Variants in PRKG1 observed in about 807,000 individuals in gnomAD.
PRKG1 encodes cGMP-dependent protein kinase 1.
PRKG1 carries 35 observed loss-of-function variants against 88.1 expected under a neutral mutation model. That is an observed-to-expected ratio of 0.40 (90% CI 0.30 to 0.53). The LOEUF is 0.53. PRKG1 is among the 20% of genes least tolerant of loss of function. The pLI is 0.59. For synonymous variants in PRKG1, 303 were observed against 292.5 expected, an observed-to-expected ratio of 1.04 and a Z score of -0.37; for missense variants, 540 against 839.8, an observed-to-expected ratio of 0.64 and a Z score of 4.41.
At chr10:51,776,035 C>G (rs1161212846) in intron 3 of PRKG1, among the ~76,000 whole-genome samples, 1 of 152,094 alleles carries the variant, frequency 6.6e-6, no homozygotes, top group African/African-American at 2.4e-5. Context: ...GTTAGTCAAC[C>G]TTTCTCAGTC....
chr10:52,084,733 A>G (rs932048096), intron 7 of PRKG1, among the ~76,000 whole-genome samples: 1 of 152,098 alleles, frequency 6.6e-6, no homozygotes, highest in Non-Finnish European at 1.5e-5. Context: ...GAAATTTGAC[A>G]TAGATATAAT....
chr10:51,142,670 A>G (rs909586573), intron 1 of PRKG1, among the ~76,000 whole-genome samples: 2 of 152,162 alleles, frequency 1.3e-5, no homozygotes, highest in Admixed American at 1.3e-4. Context: ...CTTGGCAGGC[A>G]TCTAACCTCT....
chr10:52,144,934 A>G (rs1359513615), intron 8 of PRKG1, among the ~76,000 whole-genome samples: 1 of 152,200 alleles, frequency 6.6e-6, no homozygotes, highest in Non-Finnish European at 1.5e-5. Flanking sequence ...GGATGTATTT[A>G]ATAAATAAAG....
chr10:52,037,007 G>C (rs1183464234), intron 5 of PRKG1, among the ~76,000 whole-genome samples: 2 of 152,002 alleles, frequency 1.3e-5, no homozygotes, highest in African/African-American at 2.4e-5. Context: ...GGGGGCTTCC[G>C]AGGCGATCAA....
At chr10:51,354,757 T>C (rs532000802) in intron 2 of PRKG1, among the ~76,000 whole-genome samples, 4 of 152,224 alleles carry the variant, frequency 2.6e-5, no homozygotes, top group Admixed American at 2.6e-4. Flanking sequence ...GTCTTCATAA[T>C]ACTAAAACTT....
intron 1 of PRKG1, among the ~76,000 whole-genome samples, chr10:51,042,227 C>T (rs1367217202): frequency 6.6e-6 from 1 of 152,110 alleles, no homozygotes; most frequent in African/African-American, 2.4e-5. Context: ...TTAAAAAACC[C>T]CTGGTAACCT....
chr10:51,788,822 A>C (rs1838795045), intron 3 of PRKG1, among the ~76,000 whole-genome samples: 2 of 152,188 alleles, frequency 1.3e-5, no homozygotes, highest in African/African-American at 2.4e-5. Context: ...GCTCTGCAGG[A>C]GAGTTACAGC....
rs540739565 is a variant in PRKG1 at position 51,406,799 on chromosome 10, C to T, written c.479-60924C>T. ...TTATTTCATGTAACCCTGTATTAGT[C>T]AGAGTTCTCTAGAGGGAAAGAACTA... On this transcript the variant is annotated intron_variant, in intron 2 of 17. Coordinates refer to ENST00000373980, the MANE Select transcript of PRKG1 (RefSeq NM_006258.4). Among the ~76,000 whole-genome samples, 75 of 152,074 alleles carry T rather than the reference C, an allele frequency of 4.9e-4. 1 individual carries two copies. Among genetic ancestry groups the T allele is most frequent in the Middle Eastern group, 3.4e-3 (1 of 294 alleles).
At chr10:52,167,835 A>C (rs1489574665) in intron 9 of PRKG1, among the ~76,000 whole-genome samples, 1 of 152,222 alleles carries the variant, frequency 6.6e-6, no homozygotes, top group Non-Finnish European at 1.5e-5. Flanking sequence ...TCTGACAACT[A>C]TATGACTATA....
chr10:51,468,940 T>C (rs1401363540), intron 3 of PRKG1, among the ~76,000 whole-genome samples: 1 of 151,874 alleles, frequency 6.6e-6, no homozygotes, highest in Non-Finnish European at 1.5e-5. Flanking sequence ...TTTTATTCAT[T>C]GGATTCACTG....
chr10:51,476,255 C>T (rs996733349), intron 3 of PRKG1, among the ~76,000 whole-genome samples: 15 of 151,932 alleles, frequency 9.9e-5, no homozygotes, highest in Admixed American at 9.2e-4. Flanking sequence ...CAGGCAAGGA[C>T]GTGAGCCAGT....
chr10:52,020,985 A>G (rs1845168868), intron 5 of PRKG1, among the ~76,000 whole-genome samples: 1 of 152,112 alleles, frequency 6.6e-6, no homozygotes. Flanking sequence ...AGGCAATGTG[A>G]TAGTTGCCAA....
intron 9 of PRKG1, among the ~76,000 whole-genome samples, chr10:52,205,909 G>A: frequency 6.6e-6 from 1 of 151,868 alleles, no homozygotes; most frequent in Non-Finnish European, 1.5e-5. Flanking sequence ...TGGTCATCTT[G>A]TATAGTATCT....
intron 3 of PRKG1, among the ~76,000 whole-genome samples, chr10:51,525,953 G>C (rs901257713): frequency 2.6e-5 from 4 of 151,962 alleles, no homozygotes; most frequent in African/African-American, 9.7e-5. Context: ...AGCCTCCTGA[G>C]TAGCTAGGAT....
chr10:51,596,872 A>G lies in PRKG1; in HGVS notation c.592+129036A>G, dbSNP rs543003588. On this transcript the variant is annotated intron_variant, in intron 3 of 17. Coordinates refer to ENST00000373980, the MANE Select transcript of PRKG1 (RefSeq NM_006258.4). ...TATTCAAGCTGAAATAATGGCTAAC[A>G]GTGGCCAGTGCTGTTCCAACAGCAA... 3.9e-5 allele frequency among the ~76,000 whole-genome samples: 6 copies of G among 152,306 alleles called. No homozygotes were observed. In the East Asian group the frequency reaches 1.2e-3, roughly 29 times the overall value.
At chr10:51,361,965 C>G (rs974989417) in intron 2 of PRKG1, among the ~76,000 whole-genome samples, 3 of 151,722 alleles carry the variant, frequency 2.0e-5, no homozygotes, top group Non-Finnish European at 1.5e-5. Context: ...TCTGTTTTAA[C>G]AAGTTCATAA....
intron 4 of PRKG1, among the ~76,000 whole-genome samples, chr10:51,871,409 A>G (rs1841154384): frequency 6.6e-6 from 1 of 152,104 alleles, no homozygotes; most frequent in South Asian, 2.1e-4. Context: ...CTGGTTCTGA[A>G]TCACCCATAG....
rs974951187 is a variant in PRKG1, at chr10:51,701,761, G to A, written c.593-102824G>A. 4.3e-4 allele frequency among the ~76,000 whole-genome samples: 65 copies of A among 150,754 alleles called. 1 individual carries two copies. Among genetic ancestry groups the A allele is most frequent in the African/African-American group, 1.3e-3 (54 of 40,830 alleles). ...TGTAGTAATCATGAAGATGGTAATG[G>A]GGTATTATAATATGTTGCAAAATTC... On this transcript the variant is annotated intron_variant, in intron 3 of 17. Transcript: ENST00000373980.
At chr10:51,608,759 A>T (rs1340218785) in intron 3 of PRKG1, among the ~76,000 whole-genome samples, 3 of 152,188 alleles carry the variant, frequency 2.0e-5, no homozygotes, top group African/African-American at 7.2e-5. Context: ...TGGCTTCAGT[A>T]TGGTGATAGT....
Sources: allele counts gnomAD v4.1 joint callset (sites outside exome capture counted in the v4.1 genomes callset), GRCh38; gene constraint gnomAD v4.1.1; transcripts MANE v1.5; gene names NCBI Gene and HGNC (gene_info 2026-07-23, HGNC 2026-07-21).